Variants in SEPTIN9 observed in about 807,000 individuals in gnomAD.
SEPTIN9 encodes the protein septin-9.
Under a neutral mutation model 56.6 loss-of-function variants are expected in SEPTIN9, and 13 were observed. The ratio of observed to expected loss-of-function variants is 0.23; its 90% confidence interval spans 0.15 to 0.37. The LOEUF is 0.37. Among genes scored for constraint, SEPTIN9 ranks in the 10% least tolerant of loss-of-function variants. The probability of loss-of-function intolerance (pLI) is 1.00; values close to 1 mark genes in which losing one functional copy is unlikely to be tolerated. For missense variants in SEPTIN9, 650 were observed against 823.1 expected (o/e 0.79, Z 2.57); for synonymous variants, 332 against 334.1 (o/e 0.99, Z 0.07).
rs773087706 is a variant in SEPTIN9 at position 77,475,991 on chromosome 17, G to C, written c.722-6153G>C. On this transcript the variant is annotated intron_variant, in intron 3 of 11. Coordinates refer to ENST00000427177, the MANE Select transcript of SEPTIN9 (RefSeq NM_001113491.2). This position sits in a 1 kb window ranked among gnomAD's most constrained non-coding sequence, Gnocchi z 4.6. The stretch of plus-strand genomic sequence containing the variant: ...GAAGACAGGGGAATGGCATTGACTT[G>C]ACCCTGAGCACTTTGTCCTGGGGTG... 3.6e-5 allele frequency: 50 copies of C among 1,396,384 alleles called. No individual in the cohort carries two copies. The highest frequency in any genetic ancestry group is 4.9e-5 in the Non-Finnish European group (50 of 1,012,538). The allele number at this position is 1,396,384 out of a possible 1,614,324, so 86.5% of individuals were successfully genotyped here.
In SEPTIN9 at chr17:77,281,846, A is replaced by G. The variant is rs553225991; in HGVS notation, c.19+292A>G. 130 of 441,694 alleles carry G rather than the reference A, an allele frequency of 2.9e-4. No individual in the cohort carries two copies. The South Asian group carries it at 4.6e-3, about 16-fold the overall frequency. 27.4% of individuals were successfully genotyped at this position (441,694 alleles called of 1,614,324 possible). On this transcript the variant is annotated intron_variant, in intron 1 of 11. Coordinates refer to ENST00000427177, the MANE Select transcript of SEPTIN9 (RefSeq NM_001113491.2). Reference sequence around the variant, plus strand: ...CCCTCGCAGGAATCGCTGACTTTCCAGGTCGGCCGGGTGCTTTGGGTCCCT... The same window carrying G: ...CCCTCGCAGGAATCGCTGACTTTCCGGGTCGGCCGGGTGCTTTGGGTCCCT...
intron 2 of SEPTIN9, among the ~76,000 whole-genome samples, chr17:77,361,778 G>A (rs1442649020): frequency 2.6e-5 from 4 of 152,074 alleles, no homozygotes; most frequent in South Asian, 2.1e-4. Context: ...GACTACAGGC[G>A]CCTGCCACCG....
chr17:77,444,899 A>C (rs2037678027), intron 3 of SEPTIN9: 2 of 346,938 alleles, frequency 5.8e-6, no homozygotes, highest in African/African-American at 4.3e-5. Context: ...GAGAAAGTTC[A>C]CAGTTTGAGG....
chr17:77,495,352 CAG>C (rs1402318273), intron 10 of SEPTIN9, among the ~76,000 whole-genome samples: 1 of 152,214 alleles, frequency 6.6e-6, no homozygotes, highest in African/African-American at 2.4e-5. Context: ...GTTTTTATAT[CAG>C]GGGCCCCATG....
At chr17:77,418,750 C>T (rs1006239817) in intron 3 of SEPTIN9, among the ~76,000 whole-genome samples, 20 of 152,196 alleles carry the variant, frequency 1.3e-4, no homozygotes, top group Admixed American at 2.0e-4. Flanking sequence ...ACCCTCCCCT[C>T]GGGAGCTCCC....
chr17:77,447,974 C>T (rs1213052541), intron 3 of SEPTIN9, among the ~76,000 whole-genome samples: 1 of 152,148 alleles, frequency 6.6e-6, no homozygotes, highest in African/African-American at 2.4e-5. Flanking sequence ...TGAAATGTCC[C>T]CAGGCGGGTG....
In SEPTIN9 at chr17:77,452,098, G is replaced by C. The variant is rs9915360; in HGVS notation, c.722-30046G>C. On this transcript the variant is annotated intron_variant, in intron 3 of 11. Transcript: ENST00000427177. ...CAGCTCTGGATTCCTGGATGTGTTG[G>C]ATATGTGCAGGGCGTTCCTGGGAGG... 4.3e-3 allele frequency among the ~76,000 whole-genome samples: 659 copies of C among 152,326 alleles called. 4 individuals are homozygous for C. Among genetic ancestry groups the C allele is most frequent in the African/African-American group, 0.015 (630 of 41,576 alleles).
chr17:77,447,881 T>C (rs1300296339), intron 3 of SEPTIN9, among the ~76,000 whole-genome samples: 1 of 152,218 alleles, frequency 6.6e-6, no homozygotes, highest in African/African-American at 2.4e-5. Flanking sequence ...CGCCTTGGCC[T>C]CCCAAAGTGC....
intron 3 of SEPTIN9, among the ~76,000 whole-genome samples, chr17:77,409,112 ACCT>A (rs1319572988): frequency 6.6e-6 from 1 of 151,326 alleles, no homozygotes; most frequent in African/African-American, 2.4e-5. Context: ...CGCTGCTCCC[ACCT>A]CCTCCCATTT....
At position 77,488,329 on chromosome 17, in the gene SEPTIN9, C is replaced by T. The variant is rs775763949; in HGVS notation, c.1124+8C>T. The T allele has an allele frequency of 1.1e-5, 18 of 1,610,882 alleles. No homozygotes were observed. The highest frequency in any genetic ancestry group is 1.5e-5 in the Non-Finnish European group (18 of 1,177,502). On this transcript the variant is annotated splice_region_variant and intron_variant, in intron 6 of 11. Transcript: ENST00000427177. Reference sequence around the variant, plus strand: ...CATCAACAACGAGAACTGGTGAGGCCCCTCCAGGGGGAGGAGCACTAGCGG... The same window carrying T: ...CATCAACAACGAGAACTGGTGAGGCTCCTCCAGGGGGAGGAGCACTAGCGG...
rs911601031 is a variant in SEPTIN9, at chr17:77,499,617, G to A, written c.*959G>A. On this transcript the variant is annotated 3_prime_UTR_variant, in exon 12 of 12. Coordinates refer to ENST00000427177, the MANE Select transcript of SEPTIN9 (RefSeq NM_001113491.2). ...GTCAGAGTGGCGTGAGCTGCCCGGC[G>A]CCTGCCCTGCCCAAGTGACCAGGGA... The A allele has an allele frequency of 2.5e-5, 11 of 434,046 alleles. No individual in the cohort carries two copies. Among genetic ancestry groups the A allele is most frequent in the African/African-American group, 1.2e-4 (6 of 50,438 alleles). The allele number at this position is 434,046 out of a possible 1,614,324, so 26.9% of individuals were successfully genotyped here.
chr17:77,325,523 G>A (rs543885698), intron 2 of SEPTIN9, among the ~76,000 whole-genome samples: 70 of 152,322 alleles, frequency 4.6e-4, no homozygotes, highest in Middle Eastern at 3.4e-3. Flanking sequence ...TACCGGGAAA[G>A]CCTGGGCCGT....
At chr17:77,281,695 C>G (rs2031030936) in intron 1 of SEPTIN9, 141 bp downstream of exon 1, 3 of 771,416 alleles carry the variant, frequency 3.9e-6, no homozygotes, top group East Asian at 3.3e-5. Flanking sequence ...TCGAGTTCCT[C>G]CCAGGACAGG....
intron 1 of SEPTIN9, chr17:77,288,072 G>A (rs957847273): frequency 4.7e-6 from 5 of 1,063,320 alleles, no homozygotes; most frequent in East Asian, 5.0e-5. Context: ...TAGGGGGCAC[G>A]GAGGGCCAGA....
chr17:77,455,213 C>T (rs1397099621), intron 3 of SEPTIN9, among the ~76,000 whole-genome samples: 3 of 152,222 alleles, frequency 2.0e-5, no homozygotes, highest in African/African-American at 7.2e-5. Context: ...GGCTCCTGAG[C>T]GCCCAAGACT....
intron 2 of SEPTIN9, among the ~76,000 whole-genome samples, chr17:77,320,869 GCGTGTGTGTGCA>G (rs1174536235): frequency 4.6e-5 from 7 of 152,238 alleles, no homozygotes; most frequent in Non-Finnish European, 1.0e-4. Context: ...GAGGAGCCTG[GCGTGTGTGTGCA>G]CGTGTGTGTG....
intron 2 of SEPTIN9, among the ~76,000 whole-genome samples, chr17:77,346,642 A>G (rs1272893605): frequency 6.6e-6 from 1 of 152,134 alleles, no homozygotes; most frequent in Non-Finnish European, 1.5e-5. Flanking sequence ...ATATGTATAT[A>G]TATTCTAGAC....
In SEPTIN9 at chr17:77,348,293, TG is replaced by T. The variant is rs1230275861; in HGVS notation, c.76+41097del. Among the ~76,000 whole-genome samples, 494 of 114,362 alleles carry T rather than the reference TG, an allele frequency of 4.3e-3. 5 individuals carry two copies. The highest frequency in any genetic ancestry group is 0.015 in the African/African-American group (462 of 30,478). The allele number at this position is 114,362 out of a possible 152,430, so 75.0% of individuals were successfully genotyped here. A position where few individuals can be genotyped will look rare whatever the true frequency, so the allele number is the denominator to read the frequency against. ...TTTTTTAGAATTCTATTTTAATTTA[TG>T]TTTTTTTTTTTTTTTTTTTTTTAAG... On this transcript the variant is annotated intron_variant, in intron 2 of 11. Transcript: ENST00000427177.
intron 2 of SEPTIN9, among the ~76,000 whole-genome samples, chr17:77,312,014 C>T (rs1463036754): frequency 2.6e-5 from 4 of 152,182 alleles, no homozygotes; most frequent in Admixed American, 2.6e-4. Flanking sequence ...CTCTGCCTCC[C>T]CAGCACCCCC....
Sources: allele counts gnomAD v4.1 joint callset (sites outside exome capture counted in the v4.1 genomes callset), GRCh38; gene constraint gnomAD v4.1.1; non-coding constraint Gnocchi (gnomAD v3.1); transcripts MANE v1.5; gene names NCBI Gene and HGNC (gene_info 2026-07-23, HGNC 2026-07-21).